LRRC4C: variants seen among roughly 807,000 people sequenced by gnomAD.
The protein encoded by LRRC4C is leucine rich repeat containing 4C.
A neutral mutation model predicts 33.6 loss-of-function variants in LRRC4C; 5 were observed. That is an observed-to-expected ratio of 0.15 (90% CI 0.08 to 0.31). The LOEUF is 0.31. LRRC4C is among the 10% of genes least tolerant of loss of function. The pLI is 1.00. For missense variants in LRRC4C, 560 were observed against 796.7 expected (o/e 0.70, Z 3.58); for synonymous variants, 329 against 302.0 (o/e 1.09, Z -0.93).
chr11:40,744,031 C>T (rs1292353970), intron 2 of LRRC4C, among the ~76,000 whole-genome samples: 1 of 152,052 alleles, frequency 6.6e-6, no homozygotes, highest in Non-Finnish European at 1.5e-5. Context: ...AACGAATTTA[C>T]CTGTTTAATT....
intron 2 of LRRC4C, among the ~76,000 whole-genome samples, chr11:40,739,199 C>A (rs544878605): frequency 2.6e-5 from 4 of 152,018 alleles, no homozygotes; most frequent in African/African-American, 7.2e-5. Context: ...ACCCTTTAAT[C>A]ACCATCTCCT....
At chr11:40,266,874 G>A (rs1942299638) in intron 4 of LRRC4C, among the ~76,000 whole-genome samples, 1 of 151,970 alleles carries the variant, frequency 6.6e-6, no homozygotes, top group African/African-American at 2.4e-5. Context: ...CCTCACACTG[G>A]TTGACATAAA....
intron 1 of LRRC4C, among the ~76,000 whole-genome samples, chr11:41,410,459 T>G (rs1384434647): frequency 6.6e-6 from 1 of 151,014 alleles, no homozygotes; most frequent in Admixed American, 6.6e-5. Context: ...TCACCCAGGC[T>G]GGAGTGCAGT....
chr11:41,143,201 C>T (rs889722933), intron 1 of LRRC4C, among the ~76,000 whole-genome samples: 2 of 142,290 alleles, frequency 1.4e-5, no homozygotes, highest in Non-Finnish European at 3.0e-5. Flanking sequence ...TGAAATTTGA[C>T]AAAAATATGA....
intron 2 of LRRC4C, among the ~76,000 whole-genome samples, chr11:40,669,380 G>C (rs1307776899): frequency 1.3e-5 from 2 of 152,192 alleles, no homozygotes; most frequent in Non-Finnish European, 2.9e-5. Flanking sequence ...AGAATTCTGA[G>C]AGACTCACTT....
chr11:40,337,921 A>G (rs572376031), intron 3 of LRRC4C, among the ~76,000 whole-genome samples: 18 of 152,234 alleles, frequency 1.2e-4, no homozygotes, highest in African/African-American at 4.1e-4. Context: ...TATAAGTGAG[A>G]ACATGCAGAC....
intron 1 of LRRC4C, among the ~76,000 whole-genome samples, chr11:41,226,089 G>A (rs552547240): frequency 2.6e-5 from 4 of 152,068 alleles, no homozygotes; most frequent in African/African-American, 4.8e-5. Flanking sequence ...TAGCTTGTAC[G>A]AGTCTATTTT....
intron 3 of LRRC4C, among the ~76,000 whole-genome samples, chr11:40,425,362 G>A (rs1045471137): frequency 6.6e-6 from 1 of 152,152 alleles, no homozygotes; most frequent in African/African-American, 2.4e-5. Context: ...ACTCTTGCCA[G>A]GACACACTGA....
intron 2 of LRRC4C, among the ~76,000 whole-genome samples, chr11:40,858,164 AGTC>A (rs1174482971): frequency 6.6e-6 from 1 of 152,170 alleles, no homozygotes; most frequent in Non-Finnish European, 1.5e-5. Flanking sequence ...TCAACTTCTC[AGTC>A]GTCATACGTA....
At chr11:40,609,783 T>G (rs904212803) in intron 3 of LRRC4C, among the ~76,000 whole-genome samples, 3 of 151,804 alleles carry the variant, frequency 2.0e-5, no homozygotes, top group African/African-American at 7.2e-5. Flanking sequence ...GCCAAGAAAC[T>G]GAGTAACCTA....
chr11:41,232,382 C>A (rs1947841758), intron 1 of LRRC4C, among the ~76,000 whole-genome samples: 1 of 152,030 alleles, frequency 6.6e-6, no homozygotes. Context: ...GACTTCTAAT[C>A]ACTAAATGTT....
At chr11:40,503,359 G>A (rs988348450) in intron 3 of LRRC4C, among the ~76,000 whole-genome samples, 4 of 152,216 alleles carry the variant, frequency 2.6e-5, no homozygotes, top group Middle Eastern at 3.4e-3. Flanking sequence ...TAGCACATGG[G>A]CAATAAATAT....
intron 5 of LRRC4C, among the ~76,000 whole-genome samples, chr11:40,220,127 CTATT>C (rs762272048): frequency 1.5e-4 from 23 of 152,148 alleles, no homozygotes; most frequent in Admixed American, 6.5e-5. Flanking sequence ...TTTCACCAGG[CTATT>C]TATTTGTTGC....
chr11:41,431,644 T>TGC lies in LRRC4C; in HGVS notation c.-496+27786_-496+27787insGC, dbSNP rs1462661545. On this transcript the variant is annotated intron_variant, in intron 1 of 6. Coordinates refer to ENST00000528697, the MANE Select transcript of LRRC4C (RefSeq NM_001258419.2). ...CAAGATTTCTAAGAGTGTGTGTGTG[T>TGC]GTGTGTGTACACGTACACACACGCA... Among the ~76,000 whole-genome samples the TGC allele has an allele frequency of 2.9e-4, 38 of 129,892 alleles. 1 individual carries two copies. The highest frequency in any genetic ancestry group is 9.1e-4 in the African/African-American group (35 of 38,314). 85.2% of individuals were successfully genotyped at this position (129,892 alleles called of 152,430 possible). A position where few individuals can be genotyped will look rare whatever the true frequency, so the allele number is the denominator to read the frequency against.
At position 40,270,409 on chromosome 11, in the gene LRRC4C, C is replaced by T. The variant is rs573409342; in HGVS notation, c.-175-28811G>A. On this transcript the variant is annotated intron_variant, in intron 4 of 6. Coordinates refer to ENST00000528697, the MANE Select transcript of LRRC4C (RefSeq NM_001258419.2). ...TTGCACATCTGGGTCCAGATTTCCTCTTCTTAAAAGGACACCAGTCATTTT... is the reference window on the plus strand; with the variant it reads ...TTGCACATCTGGGTCCAGATTTCCTTTTCTTAAAAGGACACCAGTCATTTT... 7.9e-5 allele frequency among the ~76,000 whole-genome samples: 12 copies of T among 152,036 alleles called. No individual in the cohort carries two copies. In the South Asian group the frequency reaches 2.5e-3, roughly 32 times the overall value.
At chr11:41,060,778 T>C (rs1248827564) in intron 1 of LRRC4C, among the ~76,000 whole-genome samples, 1 of 152,182 alleles carries the variant, frequency 6.6e-6, no homozygotes, top group Non-Finnish European at 1.5e-5. Context: ...GACCAGTGAT[T>C]CCACCATTCT....
intron 1 of LRRC4C, among the ~76,000 whole-genome samples, chr11:40,963,209 A>G (rs1044661705): frequency 6.6e-6 from 1 of 151,784 alleles, no homozygotes; most frequent in Non-Finnish European, 1.5e-5. Context: ...CTATGTTAAC[A>G]TAACACCACT....
At chr11:40,763,589 C>T (rs1332078402) in intron 2 of LRRC4C, among the ~76,000 whole-genome samples, 1 of 152,244 alleles carries the variant, frequency 6.6e-6, no homozygotes, top group South Asian at 2.1e-4. Context: ...GAATTGTCAA[C>T]ACCACCCCTT....
chr11:40,493,945 G>A (rs1234386269), intron 3 of LRRC4C, among the ~76,000 whole-genome samples: 1 of 152,068 alleles, frequency 6.6e-6, no homozygotes, highest in East Asian at 1.9e-4. Context: ...CTAGCTCTCT[G>A]GCTTAATTTT....
Sources: gnomAD v4.1 joint callset for allele counts (sites outside exome capture counted in the v4.1 genomes callset) on GRCh38, gnomAD v4.1.1 for gene constraint, MANE v1.5 for transcripts, NCBI Gene and HGNC (gene_info 2026-07-23, HGNC 2026-07-21) for gene names.